AK9: variants seen among roughly 807,000 people sequenced by gnomAD.
AK9 encodes adenylate kinase 9.
A neutral mutation model predicts 239.6 loss-of-function variants in AK9; 191 were observed. That is an observed-to-expected ratio of 0.80 (90% CI 0.71 to 0.90). AK9 has a LOEUF of 0.90. Among genes scored for constraint, AK9 ranks in the 40% least tolerant of loss-of-function variants. AK9 has a pLI of 0.00. For missense variants in AK9, 1,995 were observed against 2,214.7 expected, an observed-to-expected ratio of 0.90 and a Z score of 1.99; for synonymous variants, 689 against 721.0, an observed-to-expected ratio of 0.96 and a Z score of 0.71.
intron 10 of AK9, among the ~76,000 whole-genome samples, chr6:109,640,531 G>C (rs1453635366): frequency 1.3e-5 from 2 of 151,894 alleles, no homozygotes; most frequent in Admixed American, 6.6e-5. Flanking sequence ...GCTGGGAGCT[G>C]CAGACTGGAG....
rs891846717 is a variant in AK9, at chr6:109,515,842, G to A, written c.4065+15C>T. 26 of 1,529,082 alleles carry A rather than the reference G, an allele frequency of 1.7e-5. No individual in the cohort carries two copies. Among genetic ancestry groups the A allele is most frequent in the African/African-American group, 2.8e-5 (2 of 72,364 alleles). The allele number at this position is 1,529,082 out of a possible 1,614,324, so 94.7% of individuals were successfully genotyped here. The stretch of plus-strand genomic sequence containing the variant: ...AATAAGGAACATGGCTTTCAGGTGC[G>A]TTTGCTGAAATTACCTTTACAGGGT... On this transcript the variant is annotated intron_variant, in intron 31 of 40. Coordinates refer to ENST00000424296, the MANE Select transcript of AK9 (RefSeq NM_001145128.3).
At chr6:109,622,514 A>G (rs929681129) in intron 12 of AK9, among the ~76,000 whole-genome samples, 25 of 73,096 alleles carry the variant, frequency 3.4e-4, no homozygotes, top group African/African-American at 1.9e-3. Context: ...ACTATTATAA[A>G]TCAGGATAAT....
chr6:109,539,336 G>A (rs548525150), intron 27 of AK9, among the ~76,000 whole-genome samples: 11 of 151,844 alleles, frequency 7.2e-5, no homozygotes, highest in South Asian at 2.1e-4. Context: ...TTCTCTTCTC[G>A]CTTCATTTCA....
At chr6:109,597,760 A>G (rs1184372525) in intron 17 of AK9, among the ~76,000 whole-genome samples, 1 of 152,074 alleles carries the variant, frequency 6.6e-6, no homozygotes, top group Non-Finnish European at 1.5e-5. Flanking sequence ...AAGAAGAGAC[A>G]GAGGCAAGTT....
At chr6:109,516,929 A>T (rs960195422) in intron 29 of AK9, among the ~76,000 whole-genome samples, 1 of 151,986 alleles carries the variant, frequency 6.6e-6, no homozygotes, top group African/African-American at 2.4e-5. Flanking sequence ...GTTTTTAAAA[A>T]TTTCTTTTTT....
chr6:109,578,257 T>C (rs987979311), intron 20 of AK9, among the ~76,000 whole-genome samples: 7 of 151,344 alleles, frequency 4.6e-5, no homozygotes, highest in Admixed American at 4.6e-4. Flanking sequence ...TTAGTAGAGC[T>C]GGGGTTTCGC....
At chr6:109,628,713 G>T (rs1249614719) in intron 12 of AK9, among the ~76,000 whole-genome samples, 7 of 151,992 alleles carry the variant, frequency 4.6e-5, no homozygotes, top group Middle Eastern at 3.2e-3. Flanking sequence ...TCCTGATGAG[G>T]TTAGGCAGCT....
chr6:109,668,394 T>C (rs6900091), intron 5 of AK9, among the ~76,000 whole-genome samples: 13,024 of 152,022 alleles, frequency 0.086, 907 homozygotes, highest in African/African-American at 0.19. Flanking sequence ...AAAAGCTCTT[T>C]AGTTTAATTA....
chr6:109,543,727 C>T (rs950139523), intron 26 of AK9, among the ~76,000 whole-genome samples: 4 of 151,972 alleles, frequency 2.6e-5, no homozygotes, highest in South Asian at 4.2e-4. Flanking sequence ...GGATTACAGG[C>T]GTGAGCGACC....
chr6:109,543,649 C>T (rs190096467), intron 26 of AK9, among the ~76,000 whole-genome samples: 245 of 151,922 alleles, frequency 1.6e-3, no homozygotes, highest in African/African-American at 4.9e-3. Context: ...GGTTTCACCA[C>T]GTTGGCCAGG....
chr6:109,564,360 C>T (rs1038535473), intron 22 of AK9, 80 bp from the exon 23 acceptor site: 2 of 1,146,104 alleles, frequency 1.7e-6, no homozygotes, highest in Non-Finnish European at 2.4e-6. Flanking sequence ...ATAGCTTATA[C>T]TTTGCAATTT....
chr6:109,591,814 G>A (rs1007969891), intron 17 of AK9, among the ~76,000 whole-genome samples: 10 of 151,298 alleles, frequency 6.6e-5, no homozygotes, highest in African/African-American at 2.4e-4. Flanking sequence ...AGTTTAGCAG[G>A]ATATAAAATT....
chr6:109,524,297 C>G (rs904933426), intron 29 of AK9, among the ~76,000 whole-genome samples: 1 of 151,986 alleles, frequency 6.6e-6, no homozygotes, highest in Admixed American at 6.6e-5. Context: ...GGAAAAAAAT[C>G]AACAAAGTTC....
At chr6:109,631,035 G>A (rs1324358161) in intron 12 of AK9, among the ~76,000 whole-genome samples, 1 of 152,052 alleles carries the variant, frequency 6.6e-6, no homozygotes, top group Non-Finnish European at 1.5e-5. Context: ...TCATAAGAAA[G>A]TCAAGTCTAG....
chr6:109,604,233 TAG>T (rs1792535711), intron 17 of AK9, among the ~76,000 whole-genome samples: 1 of 152,196 alleles, frequency 6.6e-6, no homozygotes, highest in South Asian at 2.1e-4. Context: ...AATTTTTTTA[TAG>T]AGAGTTGGTC....
intron 8 of AK9, among the ~76,000 whole-genome samples, chr6:109,647,569 G>C (rs1351518922): frequency 6.6e-6 from 1 of 152,106 alleles, no homozygotes; most frequent in African/African-American, 2.4e-5. Flanking sequence ...CCCAATACAG[G>C]AGCACCCAGA....
At chr6:109,586,514 G>A (rs946503998) in intron 17 of AK9, among the ~76,000 whole-genome samples, 4 of 152,144 alleles carry the variant, frequency 2.6e-5, no homozygotes, top group South Asian at 4.1e-4. Context: ...GATTCAGAAG[G>A]TCTGGGGAAT....
At chr6:109,577,080 T>A (rs1268509547) in intron 20 of AK9, among the ~76,000 whole-genome samples, 1 of 152,172 alleles carries the variant, frequency 6.6e-6, no homozygotes, top group African/African-American at 2.4e-5. Context: ...TCGGCCCACC[T>A]CGGCCTCCCA....
At position 109,599,884 on chromosome 6, in the gene AK9, A is replaced by G. The variant is rs574778275; in HGVS notation, c.1842+10481T>C. On this transcript the variant is annotated intron_variant, in intron 17 of 40. Transcript: ENST00000424296. ...TGATTTGGCTCTCTGTTTGTCTGTT[A>G]TTGGTGTATAAGAATGCTTGCGATT... 3.9e-5 allele frequency among the ~76,000 whole-genome samples: 6 copies of G among 152,206 alleles called. No individual in the cohort carries two copies. The South Asian group carries it at 1.2e-3, about 32-fold the overall frequency.
Sources: gnomAD v4.1 joint callset for allele counts (sites outside exome capture counted in the v4.1 genomes callset) on GRCh38, gnomAD v4.1.1 for gene constraint, MANE v1.5 for transcripts, NCBI Gene and HGNC (gene_info 2026-07-23, HGNC 2026-07-21) for gene names.